The following FIGN variants were observed in gnomAD, a reference collection of about 807,000 sequenced individuals.
FIGN encodes fidgetin, microtubule severing factor.
A neutral mutation model predicts 51.3 loss-of-function variants in FIGN; 11 were observed. That is an observed-to-expected ratio of 0.21 (90% CI 0.13 to 0.35). The LOEUF (loss-of-function observed/expected upper bound fraction) is 0.35, where lower values mean the gene tolerates loss of function less well. FIGN is among the 10% of genes least tolerant of loss of function. FIGN has a pLI of 1.00. For missense variants in FIGN, 857 were observed against 943.6 expected (o/e 0.91, Z 1.20); for synonymous variants, 407 against 363.2 (o/e 1.12, Z -1.37).
chr2:163,604,935 G>GTTTTTTTTTT lies in FIGN; in HGVS notation c.*4616_*4617insAAAAAAAAAA, dbSNP rs1574218376. 1 of 11,740 alleles carries GTTTTTTTTTT rather than the reference G, an allele frequency of 8.5e-5. No homozygotes were observed. Among genetic ancestry groups the GTTTTTTTTTT allele is most frequent in the Non-Finnish European group, 2.1e-4 (1 of 4,788 alleles). The allele number at this position is 11,740 out of a possible 1,614,324, so 0.7% of individuals were successfully genotyped here. A position where few individuals can be genotyped will look rare whatever the true frequency, so the allele number is the denominator to read the frequency against. ...GTTTTAAGCCCAGAAATAAACTTTT[G>GTTTTTTTTTT]CTTTTTTTTTTTTTTTTTTTGTATC... is the stretch of plus-strand genomic sequence containing the variant. On this transcript the variant is annotated 3_prime_UTR_variant, in exon 3 of 3. Transcript: ENST00000333129.
At chr2:163,649,585 A>G (rs1168470593) in intron 2 of FIGN, among the ~76,000 whole-genome samples, 3 of 152,210 alleles carry the variant, frequency 2.0e-5, no homozygotes, top group African/African-American at 7.2e-5. Context: ...CACACTGGAC[A>G]TTCCAACACA....
chr2:163,700,581 T>C (rs1295145334), intron 2 of FIGN, among the ~76,000 whole-genome samples: 2 of 152,088 alleles, frequency 1.3e-5, no homozygotes, highest in Non-Finnish European at 2.9e-5. Context: ...TAATAGGCTA[T>C]GTTGTGGGAG....
chr2:163,726,539 T>C (rs1684840482), intron 2 of FIGN, among the ~76,000 whole-genome samples: 1 of 152,068 alleles, frequency 6.6e-6, no homozygotes, highest in South Asian at 2.1e-4. Flanking sequence ...GTCATGAATA[T>C]GTTCTACTCT....
At chr2:163,627,759 C>T (rs1449156214) in intron 2 of FIGN, among the ~76,000 whole-genome samples, 1 of 152,050 alleles carries the variant, frequency 6.6e-6, no homozygotes, top group South Asian at 2.1e-4. Context: ...CACATATTTC[C>T]ATGAAACAAA....
chr2:163,695,260 G>T (rs540676204), intron 2 of FIGN, among the ~76,000 whole-genome samples: 1 of 151,906 alleles, frequency 6.6e-6, no homozygotes, highest in South Asian at 2.1e-4. Context: ...TTCCCTACTT[G>T]CCTACAAAAT....
chr2:163,686,284 C>T (rs536140120), intron 2 of FIGN, among the ~76,000 whole-genome samples: 37 of 152,236 alleles, frequency 2.4e-4, no homozygotes, highest in Middle Eastern at 3.4e-3. Context: ...CAGTTTTATC[C>T]TAGACAAAGT....
rs1354884051 is a variant in FIGN, at chr2:163,676,474, TATATATATAA to T, written c.25+58419_25+58428del. Among the ~76,000 whole-genome samples, 847 of 104,310 alleles carry T rather than the reference TATATATATAA, an allele frequency of 8.1e-3. 32 individuals carry two copies. Among genetic ancestry groups the T allele is most frequent in the Non-Finnish European group, 0.011 (571 of 51,294 alleles). The allele number at this position is 104,310 out of a possible 152,430, so 68.4% of individuals were successfully genotyped here. A position where few individuals can be genotyped will look rare whatever the true frequency, so the allele number is the denominator to read the frequency against. ...ATATATATATATATATATATATATA[TATATATATAA>T]CTAGAGTCTGTGCACCCGAATCTGA... On this transcript the variant is annotated intron_variant, in intron 2 of 2. Transcript: ENST00000333129.
chr2:163,624,691 C>CATAT (rs55969954), intron 2 of FIGN, among the ~76,000 whole-genome samples: 1,701 of 141,248 alleles, frequency 0.012, 21 homozygotes, highest in African/African-American at 0.04. Context: ...TATATACATA[C>CATAT]ATATATATAT....
intron 2 of FIGN, among the ~76,000 whole-genome samples, chr2:163,639,897 G>T (rs1683281525): frequency 6.6e-6 from 1 of 152,080 alleles, no homozygotes; most frequent in Admixed American, 6.6e-5. Context: ...AACATAAGTA[G>T]ATATATACAT....
intron 2 of FIGN, among the ~76,000 whole-genome samples, chr2:163,640,441 T>G (rs1038602630): frequency 6.6e-6 from 1 of 152,196 alleles, no homozygotes; most frequent in East Asian, 1.9e-4. Flanking sequence ...CATGAGTGTG[T>G]GTCTACACAC....
intron 2 of FIGN, among the ~76,000 whole-genome samples, chr2:163,688,054 T>C (rs1442721017): frequency 3.3e-5 from 5 of 152,218 alleles, no homozygotes; most frequent in Non-Finnish European, 7.3e-5. Context: ...CTAGTCTCCA[T>C]TGACAAAACT....
chr2:163,668,011 C>A, intron 2 of FIGN, among the ~76,000 whole-genome samples: 1 of 123,518 alleles, frequency 8.1e-6, no homozygotes, highest in East Asian at 2.5e-4. Context: ...ACCCCTACCT[C>A]CAACCCCCCC....
intron 2 of FIGN, among the ~76,000 whole-genome samples, chr2:163,642,058 G>C (rs1484206317): frequency 3.9e-5 from 6 of 152,134 alleles, no homozygotes; most frequent in African/African-American, 1.4e-4. Context: ...GACTCATTTG[G>C]TTGTCATTTT....
intron 2 of FIGN, among the ~76,000 whole-genome samples, chr2:163,692,636 G>A (rs907608381): frequency 6.6e-6 from 1 of 152,144 alleles, no homozygotes; most frequent in Non-Finnish European, 1.5e-5. Context: ...TAATAGAGGA[G>A]ACAGACTTCT....
At chr2:163,642,917 C>T (rs978248966) in intron 2 of FIGN, among the ~76,000 whole-genome samples, 1 of 152,094 alleles carries the variant, frequency 6.6e-6, no homozygotes. Flanking sequence ...ATATCTCATG[C>T]TCCTGGATTG....
intron 2 of FIGN, among the ~76,000 whole-genome samples, chr2:163,681,863 A>C (rs2105339524): frequency 6.6e-6 from 1 of 152,226 alleles, no homozygotes; most frequent in East Asian, 1.9e-4. Context: ...GGGCCTGAAA[A>C]CAATCCAGAA....
chr2:163,675,627 C>T (rs529646120), intron 2 of FIGN, among the ~76,000 whole-genome samples: 9 of 151,858 alleles, frequency 5.9e-5, no homozygotes, highest in Non-Finnish European at 8.8e-5. Context: ...GTGCGCATGC[C>T]CAGCCCTTGT....
At chr2:163,711,598 A>G (rs1224989912) in intron 2 of FIGN, among the ~76,000 whole-genome samples, 2 of 149,816 alleles carry the variant, frequency 1.3e-5, no homozygotes, top group Non-Finnish European at 3.0e-5. Flanking sequence ...AAGAGAACTC[A>G]TTATCTTCAA....
rs184558420 is a variant in FIGN at position 163,670,249 on chromosome 2, C to T, written c.26-58443G>A. On this transcript the variant is annotated intron_variant, in intron 2 of 2. Coordinates refer to ENST00000333129, the MANE Select transcript of FIGN (RefSeq NM_018086.4). Reference sequence around the variant, plus strand: ...GATGCTGTGTTAATACTACAGCACACAATGTGGCTGGCAACTTTGAGTTAG... The same window carrying T: ...GATGCTGTGTTAATACTACAGCACATAATGTGGCTGGCAACTTTGAGTTAG... Among the ~76,000 whole-genome samples, 359 of 152,244 alleles carry T rather than the reference C, an allele frequency of 2.4e-3. 8 individuals carry two copies. The South Asian group carries it at 0.05, about 21-fold the overall frequency.
Sources: gnomAD v4.1 joint callset for allele counts (sites outside exome capture counted in the v4.1 genomes callset) on GRCh38, gnomAD v4.1.1 for gene constraint, MANE v1.5 for transcripts, NCBI Gene and HGNC (gene_info 2026-07-23, HGNC 2026-07-21) for gene names.